STXBP2: variants seen among roughly 807,000 people sequenced by gnomAD.
STXBP2 encodes syntaxin-binding protein 2.
STXBP2 carries 47 observed loss-of-function variants against 72.2 expected under a neutral mutation model. The ratio of observed to expected loss-of-function variants is 0.65; its 90% confidence interval spans 0.51 to 0.83. The LOEUF (loss-of-function observed/expected upper bound fraction) is 0.83, where lower values mean the gene tolerates loss of function less well. STXBP2 is among the 40% of genes least tolerant of loss of function. STXBP2 has a pLI of 0.00. For synonymous variants in STXBP2, 367 were observed against 338.7 expected (o/e 1.08, Z -0.92); for missense variants, 702 against 807.6 (o/e 0.87, Z 1.58).
Position 7,641,860 on chromosome 19 carries a change from A to ACG in STXBP2, c.578+8_578+9insGC. 5.2e-6 allele frequency: 8 copies of ACG among 1,548,826 alleles called. No homozygotes were observed. The highest frequency in any genetic ancestry group is 6.1e-6 in the Non-Finnish European group (7 of 1,146,502). On this transcript the variant is annotated splice_region_variant and intron_variant, in intron 7 of 18. Transcript: ENST00000221283. The stretch of plus-strand genomic sequence containing the variant: ...CGGCCATCCGCTACCGCAAGTGGGG[A>ACG]CCCCACCCAGCCCCACCCCGATGCC...
At chr19:7,637,233 G>A in intron 1 of STXBP2, 47 bp downstream of exon 1, 2 of 1,235,458 alleles carry the variant, frequency 1.6e-6, no homozygotes, top group Non-Finnish European at 2.0e-6. Flanking sequence ...TGTGGGACGG[G>A]GGTCGGGGAC....
intron 4 of STXBP2, 30 bp from the exon 5 acceptor site, chr19:7,640,701 C>G: frequency 6.2e-7 from 1 of 1,614,116 alleles, no homozygotes; most frequent in Non-Finnish European, 8.5e-7. Flanking sequence ...TGTGCAGGCT[C>G]AGGCCCAGAG....
intron 4 of STXBP2, chr19:7,640,488 G>A (rs765628875): frequency 5.9e-6 from 4 of 683,746 alleles, no homozygotes; most frequent in East Asian, 5.6e-5. Context: ...ATGTGTGTAT[G>A]TGTGTGTGCA....
At chr19:7,644,859 G>C in intron 14 of STXBP2, 107 bp downstream of exon 14, 1 of 1,562,084 alleles carries the variant, frequency 6.4e-7, no homozygotes, top group Admixed American at 1.8e-5. Context: ...TGCACTCACC[G>C]GGCTCACCAA....
intron 3 of STXBP2, chr19:7,639,339 C>T (rs2031695874): frequency 1.6e-6 from 1 of 625,528 alleles, no homozygotes. Flanking sequence ...TGGCTGCAGC[C>T]CCTTCCTGAC....
chr19:7,636,349 G>A (rs2031533570), upstream of STXBP2: 3 of 152,214 alleles, frequency 2.0e-5, no homozygotes. Flanking sequence ...AGCAGAAGCA[G>A]CTTCTGAAAT....
At position 7,644,639 on chromosome 19, in the gene STXBP2, A is replaced by AG. The variant is rs1305130672; in HGVS notation, c.1138dup (p.Glu380GlyfsTer40). The AG allele has an allele frequency of 6.2e-7, 1 of 1,613,250 alleles. No homozygotes were observed. On this transcript the variant is annotated frameshift_variant, in exon 14 of 19. Transcript: ENST00000221283. LOFTEE classifies it high-confidence loss of function. ...GACCTGGCCATGGGCTCCGACGCAG[A>AG]GGGGGAGAAGATCAAGGACTCCATG...
rs755399248 is a variant in STXBP2, at chr19:7,640,513, CATGTGTGCATGCGTGTGTATGT to C, written c.247-217_247-196del. The C allele has an allele frequency of 1.3e-5, 9 of 676,822 alleles. No homozygotes were observed. In the South Asian group the frequency reaches 1.4e-4, roughly 10 times the overall value. The allele number at this position is 676,822 out of a possible 1,614,324, so 41.9% of individuals were successfully genotyped here. A position where few individuals can be genotyped will look rare whatever the true frequency, so the allele number is the denominator to read the frequency against. ...GTGTGTGTGCATCTGTGTGTGTGTG[CATGTGTGCATGCGTGTGTATGT>C]GTGTGTGCGTGCGTGCATCTGTGTG... On this transcript the variant is annotated intron_variant, in intron 4 of 18. Coordinates refer to ENST00000221283, the MANE Select transcript of STXBP2 (RefSeq NM_006949.4).
chr19:7,641,237 G>T (rs1309465326), intron 6 of STXBP2: 1 of 583,826 alleles, frequency 1.7e-6, no homozygotes. Context: ...TGGCGTGGTG[G>T]CGTGCACCTG....
chr19:7,632,769 A>C, upstream of STXBP2: 1 of 1,567,804 alleles, frequency 6.4e-7, no homozygotes, highest in South Asian at 1.2e-5. The surrounding 1 kb of genome is among the most constrained non-coding windows in gnomAD (Gnocchi z 5.2). Flanking sequence ...CTGTCCCTCC[A>C]TCCGGTCGCC....
intron 13 of STXBP2, chr19:7,644,204 G>A (rs113809552): frequency 1.2e-5 from 2 of 164,588 alleles, no homozygotes; most frequent in Admixed American, 8.5e-5. Flanking sequence ...TGGGACCTGG[G>A]TGAGGTGTGG....
intron 4 of STXBP2, 133 bp downstream of exon 4, chr19:7,639,940 ATG>A (rs757894183): frequency 8.8e-6 from 7 of 793,348 alleles, no homozygotes; most frequent in South Asian, 1.6e-5. Context: ...ATGTGTGTGC[ATG>A]TGTGTGCATG....
rs2031960536 is a variant in STXBP2, at chr19:7,643,059, G to T, written c.1026+11G>T. ...AAGGAGCTGAATAAGGTGTGCTCGGGTGGGCAGGGAGCGGGGACACCTCGG... is the reference window on the plus strand; with the variant it reads ...AAGGAGCTGAATAAGGTGTGCTCGGTTGGGCAGGGAGCGGGGACACCTCGG... On this transcript the variant is annotated intron_variant, in intron 12 of 18. Transcript: ENST00000221283. The T allele has an allele frequency of 6.2e-7, 1 of 1,614,082 alleles. No homozygotes were observed. Among genetic ancestry groups the T allele is most frequent in the Non-Finnish European group, 8.5e-7 (1 of 1,180,054 alleles).
the STXBP2 span, chr19:7,630,534 T>C: frequency 2.0e-5 from 30 of 1,467,528 alleles, no homozygotes; most frequent in East Asian, 7.1e-4. Flanking sequence ...TGCACATTGC[T>C]TGGGGGGAGC....
At position 7,642,005 on chromosome 19, in the gene STXBP2, A is replaced by G; in HGVS notation, c.579-29A>G. On this transcript the variant is annotated intron_variant, in intron 7 of 18. Transcript: ENST00000221283. The surrounding 1 kb of genome is among the most constrained non-coding windows in gnomAD (Gnocchi z 6.0). ...CCATCCTTGACCCCATCCCCTGATGATGTCCCCCGTGTCTGACCTCCCCGC... is the reference window on the plus strand; with the variant it reads ...CCATCCTTGACCCCATCCCCTGATGGTGTCCCCCGTGTCTGACCTCCCCGC... 6.2e-7 allele frequency: 1 copy of G among 1,613,096 alleles called. No homozygotes were observed. Among genetic ancestry groups the G allele is most frequent in the Non-Finnish European group, 8.5e-7 (1 of 1,179,370 alleles).
chr19:7,640,136 GTGTGTGCATC>G lies in STXBP2; in HGVS notation c.246+343_246+352del, dbSNP rs755886611. The G allele has an allele frequency of 2.7e-4, 155 of 574,880 alleles. 1 individual carries two copies. Among genetic ancestry groups the G allele is most frequent in the Admixed American group, 1.5e-3 (66 of 44,956 alleles). The allele number at this position is 574,880 out of a possible 1,614,324, so 35.6% of individuals were successfully genotyped here. A position where few individuals can be genotyped will look rare whatever the true frequency, so the allele number is the denominator to read the frequency against. ...TGTGTGTATGCGTGTGTATGTATGT[GTGTGTGCATC>G]TGTGTGCATCTGTATGTGTGTGTGT... is the stretch of plus-strand genomic sequence containing the variant. On this transcript the variant is annotated intron_variant, in intron 4 of 18. Transcript: ENST00000221283.
rs200538123 is a variant in STXBP2 at position 7,647,156 on chromosome 19, C to T, written c.1453-6C>T. The T allele has an allele frequency of 2.4e-5, 39 of 1,611,472 alleles. No individual in the cohort carries two copies. The East Asian group carries it at 3.8e-4, about 16-fold the overall frequency. ...TTCCTCCCCTAACCTGCCTCTCGGC[C>T]GCCAGGACGCCGTGGAGGACCGGCT... On this transcript the variant is annotated splice_polypyrimidine_tract_variant and splice_region_variant and intron_variant, in intron 16 of 18. Coordinates refer to ENST00000221283, the MANE Select transcript of STXBP2 (RefSeq NM_006949.4).
At chr19:7,634,319 C>G (rs3745364), upstream of STXBP2, among the ~76,000 whole-genome samples, 1 of 152,044 alleles carries the variant, frequency 6.6e-6, no homozygotes, top group African/African-American at 2.4e-5. Context: ...CCCCAAGACG[C>G]CTTTACGGAA....
chr19:7,640,402 ATG>A lies in STXBP2; in HGVS notation c.247-323_247-322del, dbSNP rs371399925. On this transcript the variant is annotated intron_variant, in intron 4 of 18. Coordinates refer to ENST00000221283, the MANE Select transcript of STXBP2 (RefSeq NM_006949.4). ...CGCATCAGTGTCTGCATGTGTGTAT[ATG>A]TGTGTATGTATGTGTGCGCGCGCAT... 4,186 of 544,962 alleles carry A rather than the reference ATG, an allele frequency of 7.7e-3. 121 individuals carry two copies. In the African/African-American group the frequency reaches 0.092, roughly 12 times the overall value. 33.8% of individuals were successfully genotyped at this position (544,962 alleles called of 1,614,324 possible).
Sources: allele counts gnomAD v4.1 joint callset (sites outside exome capture counted in the v4.1 genomes callset), GRCh38; gene constraint gnomAD v4.1.1; non-coding constraint Gnocchi (gnomAD v3.1); transcripts MANE v1.5; gene names NCBI Gene and HGNC (gene_info 2026-07-23, HGNC 2026-07-21).